Variants in ACCS observed in about 807,000 individuals in gnomAD.
ACCS encodes the protein 1-aminocyclopropane-1-carboxylate synthase homolog (inactive), also known as 1-aminocyclopropane-1-carboxylate synthase-like protein 1.
Under a neutral mutation model 59.8 loss-of-function variants are expected in ACCS, and 42 were observed. The observed-to-expected ratio is 0.70, with a 90% CI of 0.55 to 0.91. The LOEUF (loss-of-function observed/expected upper bound fraction) is 0.91. Ranked by LOEUF, ACCS falls within the 40% of genes least tolerant of loss-of-function variation. The pLI is 0.00. For missense variants in ACCS, 602 were observed against 630.4 expected, an observed-to-expected ratio of 0.95 and a Z score of 0.48; for synonymous variants, 230 against 240.3, an observed-to-expected ratio of 0.96 and a Z score of 0.40.
Position 44,083,541 on chromosome 11 carries a change from T to A in ACCS, c.1372T>A (p.Phe458Ile), listed in dbSNP as rs747266703. 8 of 1,614,266 alleles carry A rather than the reference T, an allele frequency of 5.0e-6. No individual in the cohort carries two copies. The highest frequency in any genetic ancestry group is 4.0e-5 in the African/African-American group (3 of 75,084). The change falls in exon 14 of 15, where the codon TTT becomes ATT. Residue 458 changes from phenylalanine (F) to isoleucine (I), a missense_variant. Transcript: ENST00000263776. ...GTGTAAAGAGCCTGGTTGGTTTCGC[T>A]TTGTCTTCTCAGACCAGGTCCACCG... ...FECKEPGWFR[F>I]VFSDQVHRLC...
intron 2 of ACCS, among the ~76,000 whole-genome samples, chr11:44,070,576 C>T (rs1021502458): frequency 6.6e-6 from 1 of 152,184 alleles, no homozygotes; most frequent in African/African-American, 2.4e-5. Flanking sequence ...CAGCAGTTAG[C>T]TGTGCGTGAG....
chr11:44,073,855 T>C (rs1309731687), intron 4 of ACCS, among the ~76,000 whole-genome samples: 1 of 152,210 alleles, frequency 6.6e-6, no homozygotes, highest in Non-Finnish European at 1.5e-5. Flanking sequence ...GAAGTCTTTG[T>C]CCTTGCTTTG....
chr11:44,067,611 G>A lies in ACCS; in HGVS notation c.1-17G>A, dbSNP rs178514. 1,261,762 of 1,588,166 alleles carry A rather than the reference G, an allele frequency of 0.79. 504,142 individuals are homozygous for A. The highest frequency in any genetic ancestry group is 0.96 in the African/African-American group (71,421 of 74,274). ...GGAAATCCCTTGAGCAGGCCTGTGC[G>A]TTTTGTCTTTTTGCAGATGTTCACC... On this transcript the variant is annotated splice_polypyrimidine_tract_variant and intron_variant, in intron 1 of 14. Transcript: ENST00000263776.
At chr11:44,080,656 G>T in intron 10 of ACCS, 1 of 268,970 alleles carries the variant, frequency 3.7e-6, no homozygotes, top group Non-Finnish European at 7.1e-6. Context: ...ATGCTAAAAG[G>T]GAGAGTCCAG....
intron 2 of ACCS, among the ~76,000 whole-genome samples, chr11:44,069,208 C>CT (rs961234680): frequency 4.6e-5 from 7 of 151,336 alleles, no homozygotes; most frequent in East Asian, 3.9e-4. Flanking sequence ...GGCTCAAGAT[C>CT]TTTTTTTTCC....
chr11:44,072,337 T>C (rs1344640326), intron 3 of ACCS: 2 of 152,036 alleles, frequency 1.3e-5, no homozygotes, highest in East Asian at 1.9e-4. Context: ...TTTGTATTTT[T>C]AGTAGAGACA....
intron 8 of ACCS, chr11:44,078,307 G>C (rs1428485635): frequency 6.1e-6 from 2 of 327,010 alleles, no homozygotes; most frequent in African/African-American, 2.1e-5. Context: ...GACTCCCAAA[G>C]GAGAGCAGAG....
chr11:44,070,221 G>A (rs1352577462), intron 2 of ACCS, among the ~76,000 whole-genome samples: 1 of 152,150 alleles, frequency 6.6e-6, no homozygotes, highest in African/African-American at 2.4e-5. Flanking sequence ...GTCTGAATTT[G>A]GGTTTTGAAA....
chr11:44,079,422 C>G, intron 9 of ACCS, 109 bp from the exon 10 acceptor site: 1 of 849,866 alleles, frequency 1.2e-6, no homozygotes, highest in Non-Finnish European at 1.9e-6. Context: ...TTGGTAACCC[C>G]GGGCTAGACC....
chr11:44,077,248 G>A, intron 6 of ACCS, 31 bp from the exon 7 acceptor site: 2 of 1,606,236 alleles, frequency 1.2e-6, no homozygotes, highest in Non-Finnish European at 1.7e-6. Flanking sequence ...TGGCCAGAAA[G>A]TGACAGGCCC....
rs199826470 is a variant in ACCS at position 44,083,480 on chromosome 11, C to T, written c.1311C>T (p.Asp437=). The T allele has an allele frequency of 6.2e-7, 1 of 1,614,230 alleles. No homozygotes were observed. Among genetic ancestry groups the T allele is most frequent in the Non-Finnish European group, 8.5e-7 (1 of 1,180,036 alleles). The change falls in exon 14 of 15, where the codon GAC becomes GAT. Residue 437 remains aspartate (D), a synonymous_variant. Transcript: ENST00000263776. ...TGCTGCTCTGGCGCCGCTTTTTGGA[C>T]AACAAGGTGCTGCTGTCCTTTGGCA... ...EEMLLWRRFL[D]NKVLLSFGKA...
Position 44,083,979 on chromosome 11 carries a change from T to G in ACCS, c.*187T>G. On this transcript the variant is annotated 3_prime_UTR_variant, in exon 15 of 15. Coordinates refer to ENST00000263776, the MANE Select transcript of ACCS (RefSeq NM_032592.4). ...AAACTCCTTAAGCTGTGGTTCAGCC[T>G]GGGCCCTCCCTCTCTCCTATTAAAC... 6 of 1,314,428 alleles carry G rather than the reference T, an allele frequency of 4.6e-6. No individual in the cohort carries two copies. The highest frequency in any genetic ancestry group is 6.1e-6 in the Non-Finnish European group (6 of 990,936). The allele number at this position is 1,314,428 out of a possible 1,614,324, so 81.4% of individuals were successfully genotyped here.
intron 2 of ACCS, among the ~76,000 whole-genome samples, chr11:44,068,496 T>TG (rs1427939605): frequency 2.0e-5 from 3 of 152,148 alleles, no homozygotes; most frequent in African/African-American, 7.2e-5. Context: ...TCCCAGCTAC[T>TG]GGGGAGGCTG....
At chr11:44,070,844 C>G (rs1239700518) in intron 2 of ACCS, among the ~76,000 whole-genome samples, 1 of 152,152 alleles carries the variant, frequency 6.6e-6, no homozygotes, top group Non-Finnish European at 1.5e-5. Flanking sequence ...CCACTAAACC[C>G]CTCGAGAGAA....
chr11:44,079,422 C>T (rs1478716735), intron 9 of ACCS, 109 bp from the exon 10 acceptor site: 26 of 849,748 alleles, frequency 3.1e-5, no homozygotes, highest in South Asian at 3.0e-4. Flanking sequence ...TTGGTAACCC[C>T]GGGCTAGACC....
At chr11:44,080,637 C>A in intron 10 of ACCS, 1 of 239,154 alleles carries the variant, frequency 4.2e-6, no homozygotes, top group Non-Finnish European at 8.2e-6. Context: ...TGGATTATGG[C>A]CATCATGAAT....
chr11:44,080,267 G>T (rs1381357797), intron 10 of ACCS, among the ~76,000 whole-genome samples: 1 of 152,180 alleles, frequency 6.6e-6, no homozygotes, highest in South Asian at 2.1e-4. Context: ...GGTAGTCTGT[G>T]AATCTCACCT....
Position 44,067,790 on chromosome 11 carries a change from A to G in ACCS, c.163A>G (p.Met55Val), listed in dbSNP as rs1271370722. ...GCTCCGTGGAGTGGGTGATCCTGCC[A>G]TGATCTCCTCTGATACCTCCTACCT... ...PELRGVGDPA[M>V]ISSDTSYLSS... The change falls in exon 2 of 15, where the codon ATG becomes GTG. Residue 55 changes from methionine (M) to valine (V), a missense_variant. Coordinates refer to ENST00000263776, the MANE Select transcript of ACCS (RefSeq NM_032592.4). 6.8e-6 allele frequency: 11 copies of G among 1,614,180 alleles called. No individual in the cohort carries two copies. The highest frequency in any genetic ancestry group is 6.8e-6 in the Non-Finnish European group (8 of 1,180,016).
chr11:44,079,914 C>T (rs77766721), intron 10 of ACCS, among the ~76,000 whole-genome samples: 17,960 of 152,224 alleles, frequency 0.12, 1,064 homozygotes, highest in Middle Eastern at 0.18. Flanking sequence ...CCTCCAGAGT[C>T]GCTCCAGTTT....
Sources: allele counts gnomAD v4.1 joint callset (sites outside exome capture counted in the v4.1 genomes callset), GRCh38; gene constraint gnomAD v4.1.1; transcripts MANE v1.5; gene names NCBI Gene and HGNC (gene_info 2026-07-23, HGNC 2026-07-21).